Variants in KCNIP4 observed in about 807,000 individuals in gnomAD.
The protein encoded by KCNIP4 is Kv channel-interacting protein 4.
A neutral mutation model predicts 34.0 loss-of-function variants in KCNIP4; 12 were observed. The observed-to-expected ratio is 0.35, with a 90% confidence interval of 0.23 to 0.57. The LOEUF (loss-of-function observed/expected upper bound fraction) is 0.57. Ranked by LOEUF, KCNIP4 falls within the 20% of genes least tolerant of loss-of-function variation. KCNIP4 has a pLI of 0.83. For missense variants in KCNIP4, 238 were observed against 311.7 expected (o/e 0.76, Z 1.78); for synonymous variants, 124 against 102.2 (o/e 1.21, Z -1.29).
chr4:21,363,280 C>T (rs1416406939), intron 1 of KCNIP4, among the ~76,000 whole-genome samples: 1 of 152,116 alleles, frequency 6.6e-6, no homozygotes, highest in African/African-American at 2.4e-5. Context: ...GTTAGGTATA[C>T]CTCTCAAGAT....
At chr4:21,082,100 T>C (rs890698088) in intron 1 of KCNIP4, among the ~76,000 whole-genome samples, 2 of 151,870 alleles carry the variant, frequency 1.3e-5, no homozygotes, top group African/African-American at 4.8e-5. Flanking sequence ...GAACCTGACT[T>C]TTTCAGATTC....
At chr4:21,512,083 AGGAAGGAG>A (rs1343734771) in intron 1 of KCNIP4, among the ~76,000 whole-genome samples, 2 of 128,010 alleles carry the variant, frequency 1.6e-5, no homozygotes, top group African/African-American at 6.0e-5. Flanking sequence ...GAAAGAAGGA[AGGAAGGAG>A]GGAGGGAGGG....
chr4:21,038,444 T>C (rs28666388), intron 1 of KCNIP4, among the ~76,000 whole-genome samples: 3,772 of 152,284 alleles, frequency 0.025, 148 homozygotes, highest in African/African-American at 0.085. Context: ...GCAGAAGCAG[T>C]ACCAACAGTC....
chr4:20,902,799 C>T (rs960565216), intron 1 of KCNIP4, among the ~76,000 whole-genome samples: 5 of 152,192 alleles, frequency 3.3e-5, no homozygotes, highest in Middle Eastern at 3.4e-3. Context: ...GGATTACAAG[C>T]GTGAACCACT....
At chr4:21,707,504 T>C (rs1416321224) in intron 1 of KCNIP4, among the ~76,000 whole-genome samples, 1 of 151,996 alleles carries the variant, frequency 6.6e-6, no homozygotes, top group African/African-American at 2.4e-5. Flanking sequence ...TATGTGTAGA[T>C]TTTGGACAAA....
chr4:21,595,629 T>C (rs1742587031), intron 1 of KCNIP4, among the ~76,000 whole-genome samples: 1 of 152,094 alleles, frequency 6.6e-6, no homozygotes, highest in African/African-American at 2.4e-5. Context: ...CATTCCTATT[T>C]CTCCTCTTCT....
chr4:21,356,771 C>T (rs926122363), intron 1 of KCNIP4, among the ~76,000 whole-genome samples: 7 of 152,120 alleles, frequency 4.6e-5, no homozygotes, highest in African/African-American at 1.7e-4. Flanking sequence ...AATGCCATCC[C>T]CATCAAGCTA....
chr4:21,717,872 T>C (rs1314795428), intron 1 of KCNIP4, among the ~76,000 whole-genome samples: 1 of 152,190 alleles, frequency 6.6e-6, no homozygotes, highest in East Asian at 1.9e-4. Flanking sequence ...TTCTCTTTCA[T>C]CTTTTAATGC....
intron 1 of KCNIP4, among the ~76,000 whole-genome samples, chr4:21,660,660 G>A (rs1748377112): frequency 6.6e-6 from 1 of 152,158 alleles, no homozygotes; most frequent in Non-Finnish European, 1.5e-5. Flanking sequence ...TGGACCTGGA[G>A]GTTAGAGTGG....
In KCNIP4 at chr4:20,728,982, C is replaced by CACTT. The variant is rs745920241; in HGVS notation, c.*1096_*1099dup. 3.8e-4 allele frequency: 58 copies of CACTT among 152,130 alleles called. No individual in the cohort carries two copies. Among genetic ancestry groups the CACTT allele is most frequent in the Non-Finnish European group, 6.6e-4 (45 of 68,004 alleles). The allele number at this position is 152,130 out of a possible 1,614,324, so 9.4% of individuals were successfully genotyped here. A position where few individuals can be genotyped will look rare whatever the true frequency, so the allele number is the denominator to read the frequency against. On this transcript the variant is annotated 3_prime_UTR_variant, in exon 9 of 9. Transcript: ENST00000382152. ...ACTGTAATCTGGATTAGTTGTTGAGCACTTATTTTCTACTAAATCTTGGTA... is the reference window on the plus strand; with the variant it reads ...ACTGTAATCTGGATTAGTTGTTGAGCACTTACTTATTTTCTACTAAATCTTGGTA...
intron 2 of KCNIP4, among the ~76,000 whole-genome samples, chr4:20,864,062 G>A (rs1722521682): frequency 6.9e-6 from 1 of 143,908 alleles, no homozygotes; most frequent in East Asian, 2.0e-4. Flanking sequence ...GTATACACAT[G>A]TATGTATACG....
intron 1 of KCNIP4, among the ~76,000 whole-genome samples, chr4:21,051,263 G>A (rs764228400): frequency 6.6e-6 from 1 of 152,150 alleles, no homozygotes; most frequent in African/African-American, 2.4e-5. Flanking sequence ...TAGTTTTAAA[G>A]AGACTACATT....
chr4:20,952,031 G>A (rs1384240996), intron 1 of KCNIP4, among the ~76,000 whole-genome samples: 1 of 152,110 alleles, frequency 6.6e-6, no homozygotes, highest in Admixed American at 6.5e-5. Flanking sequence ...TGGGTACGCA[G>A]TAAATATAAG....
chr4:21,104,468 A>C (rs1478562379), intron 1 of KCNIP4, among the ~76,000 whole-genome samples: 1 of 151,840 alleles, frequency 6.6e-6, no homozygotes, highest in Non-Finnish European at 1.5e-5. Flanking sequence ...AAATTTGTTT[A>C]AGTTCTTTGT....
chr4:21,785,505 T>C (rs1719843105), intron 1 of KCNIP4, among the ~76,000 whole-genome samples: 1 of 151,918 alleles, frequency 6.6e-6, no homozygotes, highest in South Asian at 2.1e-4. Flanking sequence ...GGCAGGAGAA[T>C]CACTTGAACC....
At chr4:20,730,215 C>A in intron 8 of KCNIP4, 86 bp from the exon 9 acceptor site, 1 of 1,453,256 alleles carries the variant, frequency 6.9e-7, no homozygotes, top group Non-Finnish European at 9.2e-7. Context: ...TGCCTCCTCC[C>A]ATCAACCACC....
chr4:21,674,314 C>A (rs1472584592), intron 1 of KCNIP4, among the ~76,000 whole-genome samples: 1 of 152,122 alleles, frequency 6.6e-6, no homozygotes, highest in Non-Finnish European at 1.5e-5. Flanking sequence ...ACCTTATATA[C>A]AGGATCATTG....
intron 1 of KCNIP4, among the ~76,000 whole-genome samples, chr4:20,998,169 T>A (rs918915672): frequency 6.6e-6 from 1 of 152,036 alleles, no homozygotes; most frequent in Non-Finnish European, 1.5e-5. Context: ...GAAGAAAGGG[T>A]AGCCAACAGT....
chr4:21,152,556 C>G (rs1752836074), intron 1 of KCNIP4, among the ~76,000 whole-genome samples: 1 of 151,566 alleles, frequency 6.6e-6, no homozygotes, highest in Non-Finnish European at 1.5e-5. Flanking sequence ...CTAATGCAGA[C>G]ATCAATATAC....
Sources: allele counts gnomAD v4.1 joint callset (sites outside exome capture counted in the v4.1 genomes callset), GRCh38; gene constraint gnomAD v4.1.1; transcripts MANE v1.5; gene names NCBI Gene and HGNC (gene_info 2026-07-23, HGNC 2026-07-21).